GPD2: variants seen among roughly 807,000 people sequenced by gnomAD.
GPD2 encodes glycerol-3-phosphate dehydrogenase, mitochondrial.
In GPD2, 54 loss-of-function variants were observed where a neutral mutation model predicts 82.4. The observed-to-expected ratio is 0.66, with a 90% confidence interval of 0.53 to 0.82. The LOEUF is 0.82. GPD2 is among the 40% of genes least tolerant of loss of function. The probability of loss-of-function intolerance (pLI) is 0.00; values close to 1 mark genes in which losing one functional copy is unlikely to be tolerated. For missense variants in GPD2, 748 were observed against 896.2 expected (o/e 0.83, Z 2.11); for synonymous variants, 288 against 306.1 (o/e 0.94, Z 0.62).
chr2:156,424,570 A>T, the GPD2 span, among the ~76,000 whole-genome samples: 1 of 152,234 alleles, frequency 6.6e-6, no homozygotes, highest in Non-Finnish European at 1.5e-5. Context: ...CTAAGGAAAC[A>T]GATTAAAATG....
chr2:156,436,875 GCTT>G (rs1681943195), intron 1 of GPD2, among the ~76,000 whole-genome samples: 1 of 152,184 alleles, frequency 6.6e-6, no homozygotes, highest in Non-Finnish European at 1.5e-5. Flanking sequence ...GAGGGCTGAG[GCTT>G]CTTTGAGAAA....
chr2:156,421,971 T>C, the GPD2 span, among the ~76,000 whole-genome samples: 1 of 152,002 alleles, frequency 6.6e-6, no homozygotes, highest in Non-Finnish European at 1.5e-5. Flanking sequence ...ACAACAGCAA[T>C]AAAAAATTAG....
At chr2:156,476,476 A>G (rs1683517422) in intron 2 of GPD2, among the ~76,000 whole-genome samples, 1 of 152,220 alleles carries the variant, frequency 6.6e-6, no homozygotes, top group African/African-American at 2.4e-5. Flanking sequence ...TTCATTTATA[A>G]GTGCCAGGAT....
intron 3 of GPD2, among the ~76,000 whole-genome samples, chr2:156,502,520 G>A (rs1684623950): frequency 6.6e-6 from 1 of 152,092 alleles, no homozygotes; most frequent in South Asian, 2.1e-4. Context: ...TCAACCTCCT[G>A]GGTTCAAGAG....
intron 1 of GPD2, among the ~76,000 whole-genome samples, chr2:156,439,707 C>T (rs1264457450): frequency 6.6e-6 from 1 of 151,342 alleles, no homozygotes; most frequent in South Asian, 2.1e-4. Context: ...ATTAGCCGGG[C>T]ATGATCGTGG....
chr2:156,542,523 G>A (rs1262940279), intron 6 of GPD2, among the ~76,000 whole-genome samples: 1 of 152,000 alleles, frequency 6.6e-6, no homozygotes, highest in Non-Finnish European at 1.5e-5. Context: ...CATCAACCCA[G>A]GAAGATTTTT....
In GPD2 at chr2:156,512,254, C is replaced by A; in HGVS notation, c.434C>A (p.Ala145Asp). Residue 145 changes from alanine (A) to aspartate (D), a missense_variant, in exon 5 of 17, where the codon GCC (alanine) becomes GAC (aspartate). By Grantham distance (126) the Ala-to-Asp change is moderately radical (BLOSUM62 -2). Around this residue, in one of 3 missense-constraint regions of GPD2, gnomAD observed 692 missense variants for 809.7 expected, o/e 0.85. Coordinates refer to ENST00000438166, the MANE Select transcript of GPD2 (RefSeq NM_000408.5). ...RMVKEALHER[A>D]NLLEIAPHLS... ...GTAAAAGAAGCCCTTCATGAGCGTGCCAACCTGCTAGAAATTGCTCCCCAT... is the reference window on the plus strand; with the variant it reads ...GTAAAAGAAGCCCTTCATGAGCGTGACAACCTGCTAGAAATTGCTCCCCAT... 6.2e-7 allele frequency: 1 copy of A among 1,602,568 alleles called. No individual in the cohort carries two copies. Among genetic ancestry groups the A allele is most frequent in the Non-Finnish European group, 8.6e-7 (1 of 1,169,578 alleles).
chr2:156,445,325 A>G (rs2105144939), intron 1 of GPD2, among the ~76,000 whole-genome samples: 1 of 152,330 alleles, frequency 6.6e-6, no homozygotes, highest in Non-Finnish European at 1.5e-5. Flanking sequence ...TTTAAAAACA[A>G]TAGAATCGAG....
At chr2:156,430,317 C>CAT (rs1688303285), upstream of GPD2, among the ~76,000 whole-genome samples, 1 of 151,980 alleles carries the variant, frequency 6.6e-6, no homozygotes, top group Non-Finnish European at 1.5e-5. Flanking sequence ...ACCTTAATTT[C>CAT]CCCATTTGGT....
chr2:156,579,567 A>G, intron 15 of GPD2, 123 bp from the exon 16 acceptor site: 1 of 669,272 alleles, frequency 1.5e-6, no homozygotes, highest in Non-Finnish European at 2.8e-6. Context: ...CCTGACCTCA[A>G]CTAATCTGCC....
chr2:156,486,984 ACTTCCAGATG>A (rs1196674829), intron 2 of GPD2, among the ~76,000 whole-genome samples: 1 of 151,862 alleles, frequency 6.6e-6, no homozygotes, highest in Non-Finnish European at 1.5e-5. Context: ...TTCTGGATCT[ACTTCCAGATG>A]CTTTAGGGAG....
chr2:156,523,095 A>G (rs931579218), intron 6 of GPD2, among the ~76,000 whole-genome samples: 1 of 152,156 alleles, frequency 6.6e-6, no homozygotes, highest in African/African-American at 2.4e-5. Context: ...TGGACACATC[A>G]TTATCACCCA....
rs1688085285 is a variant in GPD2 at position 156,582,978 on chromosome 2, C to T, written c.*60C>T. 21 of 1,572,936 alleles carry T rather than the reference C, an allele frequency of 1.3e-5. No individual in the cohort carries two copies. In the South Asian group the frequency reaches 2.3e-4, roughly 17 times the overall value. ...AAACGACAAATCACCATGTAACAAC[C>T]AGAGATGACTGAAACCACTCTGAAA... On this transcript the variant is annotated 3_prime_UTR_variant, in exon 17 of 17. Coordinates refer to ENST00000438166, the MANE Select transcript of GPD2 (RefSeq NM_000408.5).
chr2:156,452,620 G>T (rs1682652779), intron 1 of GPD2, among the ~76,000 whole-genome samples: 1 of 152,342 alleles, frequency 6.6e-6, no homozygotes, highest in Admixed American at 6.5e-5. Flanking sequence ...GGAAAGCAGA[G>T]ACGTGGAAAA....
chr2:156,547,095 A>C (rs1558954067), intron 6 of GPD2, among the ~76,000 whole-genome samples: 1 of 152,212 alleles, frequency 6.6e-6, no homozygotes, highest in Non-Finnish European at 1.5e-5. Flanking sequence ...GAAGGTAGAG[A>C]TCACCCTGTG....
chr2:156,419,155 G>T, the GPD2 span, among the ~76,000 whole-genome samples: 2 of 148,542 alleles, frequency 1.3e-5, no homozygotes, highest in Non-Finnish European at 1.5e-5. Flanking sequence ...TGCCTCCCGG[G>T]TTCAAGAGAT....
intron 6 of GPD2, among the ~76,000 whole-genome samples, chr2:156,520,263 AG>A (rs1685352136): frequency 6.6e-6 from 1 of 152,074 alleles, no homozygotes; most frequent in Admixed American, 6.5e-5. Flanking sequence ...AGGGATATGA[AG>A]TTCTCATTTA....
intron 3 of GPD2, among the ~76,000 whole-genome samples, chr2:156,500,776 A>G (rs1360027016): frequency 6.6e-6 from 1 of 152,170 alleles, no homozygotes; most frequent in Non-Finnish European, 1.5e-5. Flanking sequence ...CATAATGAAC[A>G]TTTATTTGCA....
intron 11 of GPD2, 103 bp downstream of exon 11, chr2:156,569,641 T>G (rs1249093505): frequency 1.1e-6 from 1 of 889,070 alleles, no homozygotes; most frequent in Non-Finnish European, 1.9e-6. Context: ...GATTTCCTTT[T>G]GCTGAATACA....
Sources: gnomAD v4.1 joint callset for allele counts (sites outside exome capture counted in the v4.1 genomes callset) on GRCh38, gnomAD v4.1.1 for gene constraint, gnomAD v4.1.1 regional missense constraint, MANE v1.5 for transcripts, NCBI Gene and HGNC (gene_info 2026-07-23, HGNC 2026-07-21) for gene names.